The following KCNK9 variants were observed in gnomAD, a reference collection of about 807,000 sequenced individuals.
KCNK9 encodes the protein potassium channel subfamily K member 9.
A neutral mutation model predicts 10.8 loss-of-function variants in KCNK9; 1 was observed. That is an observed-to-expected ratio of 0.09 (90% confidence interval 0.03 to 0.44). KCNK9 has a LOEUF of 0.44. KCNK9 is among the 20% of genes least tolerant of loss of function. KCNK9 has a pLI of 0.97. For missense variants in KCNK9, 303 were observed against 515.0 expected, an observed-to-expected ratio of 0.59 and a Z score of 3.98; for synonymous variants, 231 against 222.7, an observed-to-expected ratio of 1.04 and a Z score of -0.33.
At chr8:139,662,971 C>T (rs1816201079) in intron 1 of KCNK9, among the ~76,000 whole-genome samples, 1 of 151,918 alleles carries the variant, frequency 6.6e-6, no homozygotes, top group South Asian at 2.1e-4. Flanking sequence ...AAAGGGAGCA[C>T]CCCTGCCTTC....
intron 1 of KCNK9, among the ~76,000 whole-genome samples, chr8:139,678,470 C>G (rs548432840): frequency 1.3e-5 from 2 of 152,356 alleles, no homozygotes; most frequent in East Asian, 1.9e-4. Context: ...CAGCTCGGCC[C>G]GTCTCCACTC....
intron 1 of KCNK9, among the ~76,000 whole-genome samples, chr8:139,633,775 C>G (rs1476304929): frequency 6.6e-6 from 1 of 152,224 alleles, no homozygotes; most frequent in Non-Finnish European, 1.5e-5. Flanking sequence ...TCCTGGTCTC[C>G]CATCCTAGAC....
intron 1 of KCNK9, among the ~76,000 whole-genome samples, chr8:139,673,552 C>G (rs147290085): frequency 2.0e-5 from 3 of 152,270 alleles, no homozygotes; most frequent in Non-Finnish European, 4.4e-5. Context: ...GGTAAAACAC[C>G]ACTGGCCCAT....
chr8:139,672,815 C>T (rs575603941), intron 1 of KCNK9, among the ~76,000 whole-genome samples: 1 of 152,254 alleles, frequency 6.6e-6, no homozygotes, highest in East Asian at 1.9e-4. Context: ...CTAGGGTGTG[C>T]GGGCGGGGAA....
chr8:139,677,636 C>T (rs1233622956), intron 1 of KCNK9, among the ~76,000 whole-genome samples: 1 of 152,258 alleles, frequency 6.6e-6, no homozygotes, highest in South Asian at 2.1e-4. Flanking sequence ...TGCATCCCAG[C>T]CCAACAAGAC....
intron 1 of KCNK9, among the ~76,000 whole-genome samples, chr8:139,652,558 G>C (rs889697434): frequency 5.9e-5 from 9 of 152,172 alleles, no homozygotes; most frequent in African/African-American, 2.2e-4. Context: ...TGCTCTGGGG[G>C]CGGGGGCCGC....
Position 139,660,973 on chromosome 8 carries a change from C to T in KCNK9, c.283+41737G>A, listed in dbSNP as rs1029254898. Among the ~76,000 whole-genome samples the T allele has an allele frequency of 4.5e-4, 69 of 152,212 alleles. 1 individual carries two copies. Among genetic ancestry groups the T allele is most frequent in the Admixed American group, 3.9e-4 (6 of 15,284 alleles). On this transcript the variant is annotated intron_variant, in intron 1 of 1. Transcript: ENST00000520439. ...CCCAGCTTGTGACAGGCACCAGCAC[C>T]TCTGTACATCTTTGACAGAAAAGCA...
At chr8:139,611,163 G>T (rs1445944427), downstream of KCNK9, among the ~76,000 whole-genome samples, 1 of 152,244 alleles carries the variant, frequency 6.6e-6, no homozygotes, top group Non-Finnish European at 1.5e-5. Flanking sequence ...GCTTTTGTGA[G>T]AAATGCAAAC....
At chr8:139,641,576 G>T (rs1280586794) in intron 1 of KCNK9, among the ~76,000 whole-genome samples, 1 of 152,032 alleles carries the variant, frequency 6.6e-6, no homozygotes, top group South Asian at 2.1e-4. Context: ...TGTGGCACAC[G>T]GTGGGCCTCT....
At chr8:139,683,330 C>T (rs1452481312) in intron 1 of KCNK9, among the ~76,000 whole-genome samples, 1 of 152,154 alleles carries the variant, frequency 6.6e-6, no homozygotes, top group Non-Finnish European at 1.5e-5. Flanking sequence ...TCCTCCTTCT[C>T]CCTCCCTCCT....
intron 1 of KCNK9, among the ~76,000 whole-genome samples, chr8:139,699,042 C>A (rs1298179396): frequency 6.6e-6 from 1 of 152,160 alleles, no homozygotes; most frequent in Non-Finnish European, 1.5e-5. Context: ...TCCGCTCCTG[C>A]AAACTGTAGC....
intron 1 of KCNK9, among the ~76,000 whole-genome samples, chr8:139,622,566 G>A (rs1361475640): frequency 6.6e-6 from 1 of 152,134 alleles, no homozygotes; most frequent in Non-Finnish European, 1.5e-5. Context: ...TGCACCCTTG[G>A]CATGTTAATA....
rs1817243605 is a variant in KCNK9, at chr8:139,702,331, G to A, written c.283+379C>T. On this transcript the variant is annotated intron_variant, in intron 1 of 1. Transcript: ENST00000520439. This position sits in a 1 kb window ranked among gnomAD's most constrained non-coding sequence, Gnocchi z 7.5. ...ACTCCCAGAGAGGTAGTAAGTGTAA[G>A]GCTCAGAGCCCCGCGCAGCCCAGCC... 6.6e-6 allele frequency among the ~76,000 whole-genome samples: 1 copy of A among 152,200 alleles called. No homozygotes were observed. Among genetic ancestry groups the A allele is most frequent in the Admixed American group, 6.5e-5 (1 of 15,290 alleles).
At chr8:139,684,928 T>C (rs1816758817) in intron 1 of KCNK9, among the ~76,000 whole-genome samples, 1 of 152,220 alleles carries the variant, frequency 6.6e-6, no homozygotes, top group Admixed American at 6.5e-5. Flanking sequence ...ACAGAGCACA[T>C]GATCCATTTA....
chr8:139,635,413 G>T (rs1815307987), intron 1 of KCNK9, among the ~76,000 whole-genome samples: 1 of 152,230 alleles, frequency 6.6e-6, no homozygotes, highest in Non-Finnish European at 1.5e-5. Context: ...GGGGACCAGG[G>T]CCGGAAGGAG....
chr8:139,673,958 C>T (rs1816493196), intron 1 of KCNK9, among the ~76,000 whole-genome samples: 1 of 152,184 alleles, frequency 6.6e-6, no homozygotes, highest in Admixed American at 6.5e-5. Flanking sequence ...CCCTGCCCCA[C>T]CGCCCTGGCC....
chr8:139,605,978 A>C (rs1817478538), intron 2 of KCNK9, among the ~76,000 whole-genome samples: 1 of 152,186 alleles, frequency 6.6e-6, no homozygotes, highest in Non-Finnish European at 1.5e-5. Context: ...TCCACAGAGA[A>C]GGCCAGAGAA....
intron 1 of KCNK9, among the ~76,000 whole-genome samples, chr8:139,697,804 C>A (rs1817099561): frequency 6.6e-6 from 1 of 152,110 alleles, no homozygotes; most frequent in Non-Finnish European, 1.5e-5. Flanking sequence ...ACTTCTGCCC[C>A]ATTTCTTGGC....
intron 1 of KCNK9, among the ~76,000 whole-genome samples, chr8:139,674,977 T>A (rs77689877): frequency 0.016 from 2,456 of 152,202 alleles, 66 homozygotes; most frequent in African/African-American, 0.057. Context: ...GAGACACAGT[T>A]CCGAGTGTCT....
Sources: allele counts gnomAD v4.1 joint callset (sites outside exome capture counted in the v4.1 genomes callset), GRCh38; gene constraint gnomAD v4.1.1; non-coding constraint Gnocchi (gnomAD v3.1); transcripts MANE v1.5; gene names NCBI Gene and HGNC (gene_info 2026-07-23, HGNC 2026-07-21).